The following BRD1 variants were observed in gnomAD, a reference collection of about 807,000 sequenced individuals.
The protein encoded by BRD1 is bromodomain-containing protein 1.
In BRD1, 24 loss-of-function variants were observed where a neutral mutation model predicts 107.7. The ratio of observed to expected loss-of-function variants is 0.22; its 90% CI spans 0.16 to 0.31. BRD1 has a LOEUF of 0.31. Among genes scored for constraint, BRD1 ranks in the 10% least tolerant of loss-of-function variants. The pLI is 1.00. For synonymous variants in BRD1, 744 were observed against 686.1 expected, an observed-to-expected ratio of 1.08 and a Z score of -1.32; for missense variants, 1,279 against 1,638.6, an observed-to-expected ratio of 0.78 and a Z score of 3.79.
chr22:49,794,892 A>C (rs2059501018), intron 6 of BRD1, among the ~76,000 whole-genome samples: 1 of 152,204 alleles, frequency 6.6e-6, no homozygotes, highest in African/African-American at 2.4e-5. Flanking sequence ...GCTTTCAAAA[A>C]CACCAAAATT....
At chr22:49,810,951 T>G (rs1395019809) in intron 2 of BRD1, among the ~76,000 whole-genome samples, 1 of 152,168 alleles carries the variant, frequency 6.6e-6, no homozygotes, top group Non-Finnish European at 1.5e-5. Flanking sequence ...ACACAAATGT[T>G]CAGAGCAGCA....
At chr22:49,790,203 G>A (rs1199823576) in intron 7 of BRD1, among the ~76,000 whole-genome samples, 4 of 152,110 alleles carry the variant, frequency 2.6e-5, no homozygotes, top group Non-Finnish European at 2.9e-5. Flanking sequence ...AGAGGCCCCC[G>A]GACCGTTCAG....
rs116231020 is a variant in BRD1, at chr22:49,805,616, G to A, written c.1368-1256C>T. 7.3e-3 allele frequency: 1,124 copies of A among 153,782 alleles called. 13 individuals are homozygous for A. Among genetic ancestry groups the A allele is most frequent in the African/African-American group, 0.026 (1,071 of 41,590 alleles). The allele number at this position is 153,782 out of a possible 1,614,324, so 9.5% of individuals were successfully genotyped here. On this transcript the variant is annotated intron_variant, in intron 2 of 12. Transcript: ENST00000404760. The stretch of plus-strand genomic sequence containing the variant: ...CACAGGGCTCCTCCTCTGCAGGCTG[G>A]GCTGGGCTGGACCTGGTCACCTCAT...
chr22:49,775,942 G>A, intron 11 of BRD1, 108 bp downstream of exon 11: 1 of 1,074,448 alleles, frequency 9.3e-7, no homozygotes, highest in Non-Finnish European at 1.3e-6. Context: ...CCCCCCGCCA[G>A]CTGTGGAACC....
intron 2 of BRD1, chr22:49,805,489 G>C (rs972704345): frequency 1.3e-5 from 2 of 152,366 alleles, no homozygotes; most frequent in African/African-American, 4.8e-5. Flanking sequence ...CCAAACGCCT[G>C]CCCACGAAGC....
rs373667871 is a variant in BRD1, at chr22:49,798,524, T to C, written c.1785+34A>G. Reference sequence around the variant, plus strand: ...GGCAGCACAAATCCACAGTCACACATGCGGCAGGACAGACGAGCGCCGCAA... The same window carrying C: ...GGCAGCACAAATCCACAGTCACACACGCGGCAGGACAGACGAGCGCCGCAA... On this transcript the variant is annotated intron_variant, in intron 5 of 12. Coordinates refer to ENST00000404760, the MANE Select transcript of BRD1 (RefSeq NM_001304808.3). The C allele has an allele frequency of 1.7e-5, 28 of 1,613,934 alleles. 1 individual carries two copies. The highest frequency in any genetic ancestry group is 3.3e-5 in the South Asian group (3 of 91,070).
intron 10 of BRD1, 114 bp downstream of exon 10, chr22:49,776,920 G>A (rs979801850): frequency 1.4e-6 from 2 of 1,472,936 alleles, no homozygotes; most frequent in Admixed American, 1.8e-5. Context: ...GCCAGGGTGG[G>A]GCTCCACACA....
rs1168216430 is a variant in BRD1, at chr22:49,774,231, C to A, written c.*2G>T. 6.2e-7 allele frequency: 1 copy of A among 1,611,730 alleles called. No individual in the cohort carries two copies. Among genetic ancestry groups the A allele is most frequent in the Non-Finnish European group, 8.5e-7 (1 of 1,178,586 alleles). ...ACAAGACCCGCGCTGGCGGCCGGGC[C>A]GTCAGTCAATGTCACTGAGGTCGCT... On this transcript the variant is annotated 3_prime_UTR_variant, in exon 13 of 13. Transcript: ENST00000404760.
Position 49,776,164 on chromosome 22 carries a change from G to T in BRD1, c.3122-5C>A. ...ACATGCTGCTCTGGCCGACTTCTGCGGAGAGGGGCGTCAGCAGGACACAGG... is the reference window on the plus strand; with the variant it reads ...ACATGCTGCTCTGGCCGACTTCTGCTGAGAGGGGCGTCAGCAGGACACAGG... On this transcript the variant is annotated splice_polypyrimidine_tract_variant and splice_region_variant and intron_variant, in intron 10 of 12. Coordinates refer to ENST00000404760, the MANE Select transcript of BRD1 (RefSeq NM_001304808.3). 1 of 1,602,326 alleles carries T rather than the reference G, an allele frequency of 6.2e-7. No homozygotes were observed.
chr22:49,787,599 A>G lies in BRD1; in HGVS notation c.2648T>C (p.Val883Ala). 6.4e-7 allele frequency: 1 copy of G among 1,555,704 alleles called. No individual in the cohort carries two copies. Among genetic ancestry groups the G allele is most frequent in the Non-Finnish European group, 8.7e-7 (1 of 1,149,310 alleles). The change falls in exon 8 of 13, where the codon GTT becomes GCT. Residue 883 changes from valine (V) to alanine (A), a missense_variant. Physicochemically the swap from Val to Ala is moderately conservative, Grantham distance 64 (BLOSUM62 0). Transcript: ENST00000404760. ...PASDVNRRTS[V>A]LFCKSKSVSP... ...TACACTTTTCGATTTGCAGAAGAGA[A>G]CAGAAGTGCGTCTGTTTACATCGCT... is the stretch of plus-strand genomic sequence containing the variant.
At chr22:49,780,332 A>G (rs2059182088) in intron 8 of BRD1, among the ~76,000 whole-genome samples, 1 of 152,170 alleles carries the variant, frequency 6.6e-6, no homozygotes, top group Non-Finnish European at 1.5e-5. Context: ...TAATTTTCCT[A>G]AGCATTCAGT....
Position 49,776,038 on chromosome 22 carries a change from A to AGCCGTACTCACCAGT in BRD1, c.3228_3231+11dup. 1 of 1,523,136 alleles carries AGCCGTACTCACCAGT rather than the reference A, an allele frequency of 6.6e-7. No individual in the cohort carries two copies. Among genetic ancestry groups the AGCCGTACTCACCAGT allele is most frequent in the Non-Finnish European group, 8.8e-7 (1 of 1,136,944 alleles). 94.4% of individuals were successfully genotyped at this position (1,523,136 alleles called of 1,614,324 possible). On this transcript the variant is annotated intron_variant, in intron 11 of 12. Coordinates refer to ENST00000404760, the MANE Select transcript of BRD1 (RefSeq NM_001304808.3). The stretch of plus-strand genomic sequence containing the variant: ...CCTCTGGACCCGCAGGCGCCACGAG[A>AGCCGTACTCACCAGT]GCCGTACTCACCAGTGCCGGGTAGG...
chr22:49,812,811 T>C (rs939829868), intron 2 of BRD1, among the ~76,000 whole-genome samples: 3 of 148,656 alleles, frequency 2.0e-5, no homozygotes, highest in African/African-American at 2.5e-5. Context: ...GTGCCGCCCA[T>C]GTACACAGAC....
chr22:49,818,467 T>C, intron 2 of BRD1: 1 of 927,592 alleles, frequency 1.1e-6, no homozygotes, highest in Non-Finnish European at 1.3e-6. Context: ...GAAACCCTGT[T>C]TGTCTTTTCA....
At chr22:49,799,940 G>A (rs2059610849) in intron 3 of BRD1, among the ~76,000 whole-genome samples, 1 of 152,202 alleles carries the variant, frequency 6.6e-6, no homozygotes, top group African/African-American at 2.4e-5. Flanking sequence ...TACCTCAAAG[G>A]GGAGAGGAAG....
At chr22:49,784,116 G>C (rs1433883498) in intron 8 of BRD1, among the ~76,000 whole-genome samples, 1 of 151,936 alleles carries the variant, frequency 6.6e-6, no homozygotes, top group Non-Finnish European at 1.5e-5. Context: ...ACTCGCAACA[G>C]GGGTCTCCGC....
chr22:49,790,549 C>T (rs911631201), intron 7 of BRD1, among the ~76,000 whole-genome samples: 6 of 152,350 alleles, frequency 3.9e-5, no homozygotes, highest in Admixed American at 2.0e-4. Flanking sequence ...ACCAGCTACT[C>T]TAAGAAACTA....
rs1306731710 is a variant in BRD1 at position 49,794,038 on chromosome 22, C to A, written c.2355G>T (p.Glu785Asp). 1 of 1,610,862 alleles carries A rather than the reference C, an allele frequency of 6.2e-7. No individual in the cohort carries two copies. Among genetic ancestry groups the A allele is most frequent in the African/African-American group, 1.3e-5 (1 of 74,882 alleles). The part of the protein sequence containing the change: ...DGAALGPEAG[E>D]EGDKSPPKLE... ...GCAGCCCTCACCGTGGCTTACCTTC[C>A]TCGCCCGCCTCCGGCCCCAGCGCAG... Residue 785 changes from glutamate to aspartate, a missense_variant, in exon 7 of 13, where the codon GAG (glutamate) becomes GAT (aspartate). By Grantham distance (45) the Glu-to-Asp change is conservative. This residue lies in a region of BRD1 where 406 missense variants were observed against 519.4 expected (regional missense o/e 0.78). Coordinates refer to ENST00000404760, the MANE Select transcript of BRD1 (RefSeq NM_001304808.3).
At position 49,775,573 on chromosome 22, in the gene BRD1, TA is replaced by T; in HGVS notation, c.3386+17del. On this transcript the variant is annotated intron_variant, in intron 12 of 12. Coordinates refer to ENST00000404760, the MANE Select transcript of BRD1 (RefSeq NM_001304808.3). Reference sequence around the variant, plus strand: ...ACCACCCCAGCCGGTCCCCGGAGTCTAAGGCCTCTCAACTCACCAACTTCTC... The same window carrying T: ...ACCACCCCAGCCGGTCCCCGGAGTCTAGGCCTCTCAACTCACCAACTTCTC... The T allele has an allele frequency of 1.3e-6, 2 of 1,564,616 alleles. No individual in the cohort carries two copies. Among genetic ancestry groups the T allele is most frequent in the African/African-American group, 1.4e-5 (1 of 73,158 alleles).
Sources: allele counts gnomAD v4.1 joint callset (sites outside exome capture counted in the v4.1 genomes callset), GRCh38; gene constraint gnomAD v4.1.1; regional missense constraint gnomAD v4.1.1; transcripts MANE v1.5; gene names NCBI Gene and HGNC (gene_info 2026-07-23, HGNC 2026-07-21).